Variants in ACVR1C observed in about 807,000 individuals in gnomAD.
The protein encoded by ACVR1C is activin receptor type-1C.
A neutral mutation model predicts 57.9 loss-of-function variants in ACVR1C; 23 were observed. The observed-to-expected ratio is 0.40, with a 90% CI of 0.29 to 0.56. The LOEUF (loss-of-function observed/expected upper bound fraction) is 0.56, where lower values mean the gene tolerates loss of function less well. Among genes scored for constraint, ACVR1C ranks in the 20% least tolerant of loss-of-function variants. The probability of loss-of-function intolerance (pLI) is 0.50; values close to 1 mark genes in which losing one functional copy is unlikely to be tolerated. For synonymous variants in ACVR1C, 214 were observed against 215.3 expected, an observed-to-expected ratio of 0.99 and a Z score of 0.05; for missense variants, 480 against 607.9, an observed-to-expected ratio of 0.79 and a Z score of 2.21.
In ACVR1C at chr2:157,612,002, T is replaced by C. The variant is rs1256692057; in HGVS notation, c.73+16570A>G. 2.6e-5 allele frequency among the ~76,000 whole-genome samples: 4 copies of C among 152,278 alleles called. No homozygotes were observed. The East Asian group carries it at 7.7e-4, about 29-fold the overall frequency. On this transcript the variant is annotated intron_variant, in intron 1 of 8. Coordinates refer to ENST00000243349, the MANE Select transcript of ACVR1C (RefSeq NM_145259.3). ...CTATTGGGATAAATGGAGCTGCTTT[T>C]ATCAGTCTGCTGTGGGTAGCTCTCA... is the stretch of plus-strand genomic sequence containing the variant.
At chr2:157,554,199 G>GAA (rs1687996587) in intron 3 of ACVR1C, among the ~76,000 whole-genome samples, 5 of 78,972 alleles carry the variant, frequency 6.3e-5, no homozygotes, top group African/African-American at 1.6e-4. Flanking sequence ...AAATAAAGAA[G>GAA]AGAGAAAGAA....
At chr2:157,562,540 G>A (rs182942692) in intron 2 of ACVR1C, among the ~76,000 whole-genome samples, 73 of 151,222 alleles carry the variant, frequency 4.8e-4, no homozygotes, top group Non-Finnish European at 9.1e-4. Context: ...AGGACCAGAC[G>A]TACAGAGAGG....
intron 8 of ACVR1C, 81 bp downstream of exon 8, chr2:157,538,492 A>G (rs995686136): frequency 7.8e-6 from 10 of 1,290,018 alleles, no homozygotes; most frequent in Non-Finnish European, 1.0e-5. Context: ...AATTGGAAAA[A>G]CTATATGGTC....
At chr2:157,542,885 T>A (rs774292897) in intron 5 of ACVR1C, 23 bp from the exon 6 acceptor site, 3 of 1,609,418 alleles carry the variant, frequency 1.9e-6, no homozygotes, top group Non-Finnish European at 2.5e-6. Flanking sequence ...GAAGAACATA[T>A]TCATTTTTTT....
intron 4 of ACVR1C, among the ~76,000 whole-genome samples, chr2:157,547,264 G>A (rs1477349785): frequency 1.7e-5 from 2 of 119,844 alleles, no homozygotes; most frequent in Non-Finnish European, 3.6e-5. Flanking sequence ...TGTGAATAAT[G>A]CCGCAATAAA....
At chr2:157,607,230 T>G (rs1274912204) in intron 1 of ACVR1C, among the ~76,000 whole-genome samples, 3 of 151,980 alleles carry the variant, frequency 2.0e-5, no homozygotes, top group Non-Finnish European at 4.4e-5. Flanking sequence ...CAATATGTTT[T>G]GAAGTCAGTT....
At position 157,538,563 on chromosome 2, in the gene ACVR1C, A is replaced by G. The variant is rs1687542248; in HGVS notation, c.1356+10T>C. The G allele has an allele frequency of 2.6e-6, 4 of 1,546,540 alleles. No individual in the cohort carries two copies. The highest frequency in any genetic ancestry group is 1.3e-5 in the South Asian group (1 of 76,874). On this transcript the variant is annotated intron_variant, in intron 8 of 8. Coordinates refer to ENST00000243349, the MANE Select transcript of ACVR1C (RefSeq NM_145259.3). ...TAATAAGAAAAATATAGATAAAAACATGGCCTTACTTCACAACTTTGCCAC... is the reference window on the plus strand; with the variant it reads ...TAATAAGAAAAATATAGATAAAAACGTGGCCTTACTTCACAACTTTGCCAC...
At chr2:157,550,050 A>AAAG in intron 4 of ACVR1C, 112 bp downstream of exon 4, 1 of 792,698 alleles carries the variant, frequency 1.3e-6, no homozygotes, top group East Asian at 2.7e-5. Context: ...AAAAAAAAGA[A>AAAG]GAGGTGAATT....
intron 2 of ACVR1C, among the ~76,000 whole-genome samples, chr2:157,572,746 A>C (rs1332555815): frequency 6.6e-6 from 1 of 152,186 alleles, no homozygotes; most frequent in East Asian, 1.9e-4. Context: ...TTTAAAACAC[A>C]AGTCTGACTT....
At chr2:157,536,259 G>A (rs188240463) in intron 8 of ACVR1C, among the ~76,000 whole-genome samples, 1 of 152,254 alleles carries the variant, frequency 6.6e-6, no homozygotes, top group Non-Finnish European at 1.5e-5. Flanking sequence ...GAAGAACTAT[G>A]ACTCCAAATT....
At chr2:157,556,657 C>CTTTTTTT (rs1169628343) in intron 2 of ACVR1C, among the ~76,000 whole-genome samples, 63 of 87,904 alleles carry the variant, frequency 7.2e-4, no homozygotes, top group Non-Finnish European at 9.1e-4. Flanking sequence ...CAGCAGTACA[C>CTTTTTTT]TTTTTTTTTT....
chr2:157,538,451 T>A, intron 8 of ACVR1C, 122 bp downstream of exon 8: 1 of 970,332 alleles, frequency 1.0e-6, no homozygotes, highest in East Asian at 3.0e-5. Flanking sequence ...TGAAGACTTA[T>A]AAAAAGACGT....
At chr2:157,538,250 A>G (rs187644376) in intron 8 of ACVR1C, among the ~76,000 whole-genome samples, 1 of 152,352 alleles carries the variant, frequency 6.6e-6, no homozygotes, top group East Asian at 1.9e-4. Flanking sequence ...AACTGTGTCC[A>G]AGGATCAGAT....
rs532142375 is a variant in ACVR1C at position 157,577,124 on chromosome 2, G to A, written c.304+10063C>T. Among the ~76,000 whole-genome samples the A allele has an allele frequency of 1.5e-4, 23 of 149,776 alleles. 7 individuals carry two copies. Among genetic ancestry groups the A allele is most frequent in the African/African-American group, 5.2e-4 (21 of 40,434 alleles). The stretch of plus-strand genomic sequence containing the variant: ...CCCGCCTCGGCCTCCCAAAGTGCTG[G>A]GATTACAGGCGTGAGCCACCGCGCC... On this transcript the variant is annotated intron_variant, in intron 2 of 8. Transcript: ENST00000243349.
intron 2 of ACVR1C, among the ~76,000 whole-genome samples, chr2:157,562,815 A>G (rs1688273914): frequency 6.6e-6 from 1 of 152,262 alleles, no homozygotes; most frequent in Non-Finnish European, 1.5e-5. Flanking sequence ...CTGGTTCAAC[A>G]TACGCAAATC....
chr2:157,544,035 C>CTTT (rs1217763945), intron 5 of ACVR1C, among the ~76,000 whole-genome samples: 10 of 124,398 alleles, frequency 8.0e-5, no homozygotes, highest in East Asian at 2.2e-4. Context: ...TGTTTCTTTA[C>CTTT]TTTTTTTTTT....
chr2:157,574,119 G>T (rs1688589448), intron 2 of ACVR1C, among the ~76,000 whole-genome samples: 1 of 152,194 alleles, frequency 6.6e-6, no homozygotes, highest in South Asian at 2.1e-4. Context: ...GACCAGACAG[G>T]AATCTGGATT....
Position 157,626,159 on chromosome 2 carries a change from T to C in ACVR1C, c.73+2413A>G, listed in dbSNP as rs143957578. Among the ~76,000 whole-genome samples, 516 of 152,276 alleles carry C rather than the reference T, an allele frequency of 3.4e-3. 3 individuals are homozygous for C. The highest frequency in any genetic ancestry group is 0.011 in the African/African-American group (471 of 41,554). Reference sequence around the variant, plus strand: ...GTTTTTAAATTTTTTGTAGAGATGGTGTCTCACTATGTTGCCTGAGCTGGT... The same window carrying C: ...GTTTTTAAATTTTTTGTAGAGATGGCGTCTCACTATGTTGCCTGAGCTGGT... On this transcript the variant is annotated intron_variant, in intron 1 of 8. Transcript: ENST00000243349.
rs139388578 is a variant in ACVR1C at position 157,540,622 on chromosome 2, A to T, written c.1225+468T>A. On this transcript the variant is annotated intron_variant, in intron 7 of 8. Transcript: ENST00000243349. ...CATTATTAAGTTCTAAACTACTGGG[A>T]GCAGTAAAGGTAGGAAGTTTGTCTT... Among the ~76,000 whole-genome samples the T allele has an allele frequency of 5.9e-3, 898 of 152,240 alleles. 8 individuals carry two copies. The highest frequency in any genetic ancestry group is 0.02 in the African/African-American group (837 of 41,538).
Sources: gnomAD v4.1 joint callset for allele counts (sites outside exome capture counted in the v4.1 genomes callset) on GRCh38, gnomAD v4.1.1 for gene constraint, MANE v1.5 for transcripts, NCBI Gene and HGNC (gene_info 2026-07-23, HGNC 2026-07-21) for gene names.